Variants in NEO1 observed in about 807,000 individuals in gnomAD.
NEO1 encodes neogenin.
A neutral mutation model predicts 159.7 loss-of-function variants in NEO1; 63 were observed. The ratio of observed to expected loss-of-function variants is 0.39; its 90% CI spans 0.32 to 0.49. NEO1 has a LOEUF of 0.49. NEO1 is among the 20% of genes least tolerant of loss of function. NEO1 has a pLI of 0.85. For synonymous variants in NEO1, 633 were observed against 662.0 expected (o/e 0.96, Z 0.67); for missense variants, 1,615 against 1,831.0 (o/e 0.88, Z 2.15).
At chr15:73,142,803 T>C (rs1010256724) in intron 5 of NEO1, among the ~76,000 whole-genome samples, 1 of 152,176 alleles carries the variant, frequency 6.6e-6, no homozygotes, top group African/African-American at 2.4e-5. Context: ...TAGTATATAA[T>C]AGATTAAAAT....
At chr15:73,138,132 TATATATACAGTAACGTATA>T (rs1355078829) in intron 5 of NEO1, among the ~76,000 whole-genome samples, 4 of 152,136 alleles carry the variant, frequency 2.6e-5, no homozygotes, top group Admixed American at 2.6e-4. Flanking sequence ...AATGTATAAT[TATATATACAGTAACGTATA>T]ATATCAAAGA....
At chr15:73,200,523 T>TAG (rs56964495) in intron 7 of NEO1, among the ~76,000 whole-genome samples, 2,305 of 140,486 alleles carry the variant, frequency 0.016, 32 homozygotes, top group African/African-American at 0.046. Context: ...AGGGAGTCTC[T>TAG]AGAGAGAGAG....
chr15:73,137,963 G>A (rs2031944093), intron 5 of NEO1, among the ~76,000 whole-genome samples: 1 of 152,178 alleles, frequency 6.6e-6, no homozygotes, highest in Non-Finnish European at 1.5e-5. Flanking sequence ...AGGTGTCTTA[G>A]AGGAGAGAAA....
chr15:73,284,343 A>G (rs977289458), intron 23 of NEO1, among the ~76,000 whole-genome samples: 2 of 152,226 alleles, frequency 1.3e-5, no homozygotes, highest in African/African-American at 2.4e-5. Flanking sequence ...GCAAGAATGC[A>G]TGTATTTAAT....
chr15:73,133,705 TG>T (rs1474846832), intron 4 of NEO1, among the ~76,000 whole-genome samples: 2 of 152,156 alleles, frequency 1.3e-5, no homozygotes, highest in Non-Finnish European at 2.9e-5. Flanking sequence ...TTTTTCACAT[TG>T]TTTTTTTTCT....
chr15:73,211,201 T>C (rs1259110782), intron 7 of NEO1, among the ~76,000 whole-genome samples: 1 of 152,276 alleles, frequency 6.6e-6, no homozygotes, highest in East Asian at 1.9e-4. Context: ...GCTAGAAAAT[T>C]AGACAAAATA....
At chr15:73,194,734 A>G (rs2036439713) in intron 7 of NEO1, among the ~76,000 whole-genome samples, 1 of 152,190 alleles carries the variant, frequency 6.6e-6, no homozygotes, top group Non-Finnish European at 1.5e-5. Context: ...TACATGGTAC[A>G]TATTTATTAC....
At chr15:73,212,921 TATC>T (rs1274827699) in intron 7 of NEO1, among the ~76,000 whole-genome samples, 8 of 152,344 alleles carry the variant, frequency 5.3e-5, no homozygotes, top group Admixed American at 2.0e-4. Flanking sequence ...ACATGTTTGG[TATC>T]ATTTCATTCC....
chr15:73,232,667 C>T (rs1489029903), intron 7 of NEO1, among the ~76,000 whole-genome samples: 1 of 152,134 alleles, frequency 6.6e-6, no homozygotes, highest in Non-Finnish European at 1.5e-5. Context: ...GCCTTCTCAC[C>T]ACTTTCTCAC....
At chr15:73,237,296 A>G (rs1041622744) in intron 8 of NEO1, among the ~76,000 whole-genome samples, 1 of 152,148 alleles carries the variant, frequency 6.6e-6, no homozygotes, top group African/African-American at 2.4e-5. Context: ...TAATATTGGC[A>G]CTTGATTATG....
intron 28 of NEO1, 132 bp downstream of exon 28, chr15:73,301,589 C>A: frequency 8.4e-7 from 1 of 1,187,128 alleles, no homozygotes; most frequent in South Asian, 1.4e-5. Context: ...TACACTCATT[C>A]ATTCAGTAGA....
chr15:73,254,857 G>A (rs566397147), intron 13 of NEO1, 28 bp downstream of exon 13: 2 of 1,599,674 alleles, frequency 1.3e-6, no homozygotes, highest in African/African-American at 2.7e-5. Flanking sequence ...AAGGCAAAAG[G>A]TACACTGTGT....
intron 1 of NEO1, among the ~76,000 whole-genome samples, chr15:73,071,245 G>A (rs753206927): frequency 6.6e-6 from 1 of 152,098 alleles, no homozygotes; most frequent in Admixed American, 6.5e-5. Context: ...GGCCCTAAGC[G>A]ATTCTTTATG....
At chr15:73,231,545 C>T (rs2150825752) in intron 7 of NEO1, among the ~76,000 whole-genome samples, 1 of 152,176 alleles carries the variant, frequency 6.6e-6, no homozygotes, top group South Asian at 2.1e-4. Context: ...CCAGCCTGGG[C>T]AACATGGTGA....
chr15:73,165,260 C>T (rs933787913), intron 5 of NEO1, among the ~76,000 whole-genome samples: 21 of 152,080 alleles, frequency 1.4e-4, no homozygotes, highest in African/African-American at 4.6e-4. Flanking sequence ...GTATTTCTCT[C>T]TAAGGAGGGT....
intron 1 of NEO1, among the ~76,000 whole-genome samples, chr15:73,068,992 A>T (rs2068379457): frequency 1.4e-5 from 2 of 147,040 alleles, no homozygotes; most frequent in East Asian, 2.0e-4. Context: ...TCTCACTCTC[A>T]CCTAGGCTGG....
chr15:73,188,053 A>G (rs1290502923), intron 7 of NEO1, among the ~76,000 whole-genome samples: 1 of 152,096 alleles, frequency 6.6e-6, no homozygotes, highest in African/African-American at 2.4e-5. Context: ...AATTTGCTAT[A>G]TTTACTTCTT....
At chr15:73,094,704 G>C (rs796335485) in intron 1 of NEO1, among the ~76,000 whole-genome samples, 38 of 152,260 alleles carry the variant, frequency 2.5e-4, no homozygotes, top group African/African-American at 8.7e-4. Context: ...TTGGGATATT[G>C]CTGGTTGCTT....
chr15:73,179,436 G>A (rs1390462239), intron 7 of NEO1, among the ~76,000 whole-genome samples: 1 of 152,114 alleles, frequency 6.6e-6, no homozygotes, highest in East Asian at 1.9e-4. Context: ...TGAGGGTTGG[G>A]GAAAGCTGCT....
Sources: allele counts gnomAD v4.1 joint callset (sites outside exome capture counted in the v4.1 genomes callset), GRCh38; gene constraint gnomAD v4.1.1; transcripts MANE v1.5; gene names NCBI Gene and HGNC (gene_info 2026-07-23, HGNC 2026-07-21).